The following TUSC3 variants were observed in gnomAD, a reference collection of about 807,000 sequenced individuals.
TUSC3 encodes the protein dolichyl-diphosphooligosaccharide--protein glycosyltransferase subunit TUSC3.
In TUSC3, 45 loss-of-function variants were observed where a neutral mutation model predicts 44.8. The observed-to-expected ratio is 1.00, with a 90% confidence interval of 0.79 to 1.29. The LOEUF (loss-of-function observed/expected upper bound fraction) is 1.29, where lower values mean the gene tolerates loss of function less well. TUSC3 is among the 50% of genes most tolerant of loss of function. The pLI, the probability that TUSC3 is intolerant of heterozygous loss-of-function variation, is 0.00. For missense variants in TUSC3, 519 were observed against 437.9 expected (o/e 1.19, Z -1.65); for synonymous variants, 212 against 152.9 (o/e 1.39, Z -2.85).
chr8:15,754,658 T>C (rs922014270), intron 9 of TUSC3, among the ~76,000 whole-genome samples: 5 of 152,178 alleles, frequency 3.3e-5, no homozygotes, highest in African/African-American at 9.6e-5. Flanking sequence ...TTGGGTGTTA[T>C]GCCTCCGCCT....
intron 2 of TUSC3, among the ~76,000 whole-genome samples, chr8:15,516,057 T>C (rs1801212508): frequency 1.3e-5 from 2 of 152,186 alleles, no homozygotes; most frequent in Non-Finnish European, 2.9e-5. Context: ...CAACAAGTTT[T>C]AGAGGACTTC....
chr8:15,642,815 T>A (rs73665464), intron 2 of TUSC3, among the ~76,000 whole-genome samples: 1 of 146,558 alleles, frequency 6.8e-6, no homozygotes, highest in Non-Finnish European at 1.6e-5. Context: ...ATAAGTGTTA[T>A]AATGGATTGA....
chr8:15,652,910 G>A (rs889111904), intron 3 of TUSC3, among the ~76,000 whole-genome samples: 4 of 152,136 alleles, frequency 2.6e-5, no homozygotes, highest in African/African-American at 9.7e-5. Context: ...TTGTTATGCT[G>A]TTTTTGTTGA....
intron 10 of TUSC3, among the ~76,000 whole-genome samples, chr8:15,758,494 C>G (rs1261632334): frequency 6.6e-6 from 1 of 152,114 alleles, no homozygotes; most frequent in African/African-American, 2.4e-5. Context: ...ATCCCACCCC[C>G]TCAAGACCAG....
chr8:15,806,370 C>T, the TUSC3 span: 1 of 735,210 alleles, frequency 1.4e-6, no homozygotes, highest in Non-Finnish European at 2.6e-6. Flanking sequence ...CAGGTACTTG[C>T]CCAACTCTGC....
chr8:15,743,179 T>A (rs1052687496), intron 7 of TUSC3, among the ~76,000 whole-genome samples: 12 of 152,214 alleles, frequency 7.9e-5, no homozygotes, highest in African/African-American at 2.9e-4. Flanking sequence ...AAATGAAATG[T>A]GTCAATGACA....
the TUSC3 span, among the ~76,000 whole-genome samples, chr8:15,841,583 G>A: frequency 3.3e-5 from 5 of 151,716 alleles, no homozygotes; most frequent in Admixed American, 6.6e-5. Context: ...GCAGGATCTC[G>A]GCTCACTGCA....
chr8:15,435,523 C>CA (rs1394461104), intron 1 of TUSC3, among the ~76,000 whole-genome samples: 1 of 152,020 alleles, frequency 6.6e-6, no homozygotes, highest in Non-Finnish European at 1.5e-5. Flanking sequence ...TTATATAAAA[C>CA]AAAATACTAA....
At chr8:15,607,885 T>C (rs147974476) in intron 1 of TUSC3, among the ~76,000 whole-genome samples, 147 of 152,300 alleles carry the variant, frequency 9.7e-4, no homozygotes, top group Non-Finnish European at 1.8e-3. Context: ...TCAGCAAATA[T>C]TTGATAAATT....
the TUSC3 span, chr8:15,806,787 C>A: frequency 9.8e-6 from 8 of 814,722 alleles, no homozygotes; most frequent in Non-Finnish European, 1.4e-5. Flanking sequence ...CATTCTTTTT[C>A]TAGCGGATTT....
the TUSC3 span, among the ~76,000 whole-genome samples, chr8:15,823,305 C>A: frequency 6.6e-6 from 1 of 152,044 alleles, no homozygotes; most frequent in Non-Finnish European, 1.5e-5. Flanking sequence ...TTCATTATTT[C>A]TTTTTATTAA....
the TUSC3 span, among the ~76,000 whole-genome samples, chr8:15,823,669 AC>A: frequency 6.6e-6 from 1 of 152,346 alleles, no homozygotes; most frequent in Non-Finnish European, 1.5e-5. Context: ...AAATGTTTGT[AC>A]ATAATTGCAA....
At chr8:15,506,918 G>A (rs922462091) in intron 2 of TUSC3, among the ~76,000 whole-genome samples, 1 of 152,212 alleles carries the variant, frequency 6.6e-6, no homozygotes, top group African/African-American at 2.4e-5. Context: ...TGCATTTCCT[G>A]TCTTGGTCGG....
At chr8:15,556,975 A>C (rs1255120923) in intron 1 of TUSC3, among the ~76,000 whole-genome samples, 1 of 149,426 alleles carries the variant, frequency 6.7e-6, no homozygotes, top group Non-Finnish European at 1.5e-5. Context: ...TCTGATGGTA[A>C]TTTCTTTTGC....
chr8:15,848,778 G>A, the TUSC3 span, among the ~76,000 whole-genome samples: 3 of 152,136 alleles, frequency 2.0e-5, no homozygotes, highest in African/African-American at 7.2e-5. Context: ...GTTGGTTTCT[G>A]TAATTCTATG....
chr8:15,619,511 A>G (rs573059439), intron 1 of TUSC3, among the ~76,000 whole-genome samples: 2 of 149,804 alleles, frequency 1.3e-5, no homozygotes, highest in East Asian at 3.9e-4. Context: ...TTTTTTTTCC[A>G]GTCGAAGTCT....
the TUSC3 span, among the ~76,000 whole-genome samples, chr8:15,798,650 G>GTC: frequency 1.1e-5 from 1 of 87,490 alleles, no homozygotes; most frequent in Non-Finnish European, 2.2e-5. Context: ...CTGGGTGTGT[G>GTC]GGGGGGGTCC....
At position 15,588,028 on chromosome 8, in the gene TUSC3, C is replaced by T. The variant is rs550961254; in HGVS notation, c.139-35052C>T. 7.2e-5 allele frequency among the ~76,000 whole-genome samples: 11 copies of T among 152,166 alleles called. No individual in the cohort carries two copies. The South Asian group carries it at 2.1e-3, about 29-fold the overall frequency. ...TAGCATTGCAGTAAACATGGGGCTGCAGGTATCTTTTTAATATACTGACTT... is the reference window on the plus strand; with the variant it reads ...TAGCATTGCAGTAAACATGGGGCTGTAGGTATCTTTTTAATATACTGACTT... On this transcript the variant is annotated intron_variant, in intron 1 of 10. Coordinates refer to ENST00000503731, the MANE Select transcript of TUSC3 (RefSeq NM_006765.4).
At chr8:15,584,947 T>C (rs1317199524) in intron 1 of TUSC3, among the ~76,000 whole-genome samples, 4 of 152,164 alleles carry the variant, frequency 2.6e-5, no homozygotes, top group East Asian at 1.9e-4. Flanking sequence ...CATAAAGACA[T>C]TGAACGATGA....
Sources: allele counts gnomAD v4.1 joint callset (sites outside exome capture counted in the v4.1 genomes callset), GRCh38; gene constraint gnomAD v4.1.1; transcripts MANE v1.5; gene names NCBI Gene and HGNC (gene_info 2026-07-23, HGNC 2026-07-21).